The following LRP1B variants were observed in gnomAD, a reference collection of about 807,000 sequenced individuals.
The protein encoded by LRP1B is low-density lipoprotein receptor-related protein 1B.
Under a neutral mutation model 556.6 loss-of-function variants are expected in LRP1B, and 217 were observed. The observed-to-expected ratio is 0.39, with a 90% confidence interval of 0.35 to 0.44. The LOEUF (loss-of-function observed/expected upper bound fraction) is 0.44, where lower values mean the gene tolerates loss of function less well. Among genes scored for constraint, LRP1B ranks in the 20% least tolerant of loss-of-function variants. The pLI is 1.00. For synonymous variants in LRP1B, 2,047 were observed against 1,865.8 expected (o/e 1.10, Z -2.50); for missense variants, 5,053 against 5,620.8 (o/e 0.90, Z 3.23).
intron 3 of LRP1B, among the ~76,000 whole-genome samples, chr2:141,439,151 AG>A (rs1353815335): frequency 6.6e-6 from 1 of 152,196 alleles, no homozygotes; most frequent in Non-Finnish European, 1.5e-5. Context: ...TTTTGCCTTA[AG>A]AGCGAAGTGA....
chr2:142,121,608 G>A (rs1395945887), intron 1 of LRP1B, among the ~76,000 whole-genome samples: 2 of 152,076 alleles, frequency 1.3e-5, no homozygotes, highest in Non-Finnish European at 2.9e-5. Context: ...ACTCAACAAG[G>A]CCTTCTGCGA....
intron 2 of LRP1B, among the ~76,000 whole-genome samples, chr2:141,571,360 CCAA>C (rs1686521984): frequency 6.8e-6 from 1 of 147,420 alleles, no homozygotes; most frequent in Admixed American, 6.8e-5. Flanking sequence ...CAAGCAGAAA[CCAA>C]CAACAACAGC....
chr2:140,951,710 T>C, intron 19 of LRP1B, 150 bp downstream of exon 19: 1 of 610,834 alleles, frequency 1.6e-6, no homozygotes, highest in African/African-American at 1.8e-5. Context: ...CCCACTGATG[T>C]GCTGCTAGCT....
rs549806586 is a variant in LRP1B at position 140,503,366 on chromosome 2, T to C, written c.8522-263A>G. On this transcript the variant is annotated intron_variant, in intron 53 of 90. Transcript: ENST00000389484. Reference sequence around the variant, plus strand: ...GAAATAAGAAAGTGACCCTTGACTATACCATTTCTCTTCACCTATTATCTA... The same window carrying C: ...GAAATAAGAAAGTGACCCTTGACTACACCATTTCTCTTCACCTATTATCTA... Among the ~76,000 whole-genome samples the C allele has an allele frequency of 6.6e-5, 10 of 152,220 alleles. No individual in the cohort carries two copies. The South Asian group carries it at 1.7e-3, about 25-fold the overall frequency.
At chr2:140,372,289 G>A (rs1355481267) in intron 69 of LRP1B, among the ~76,000 whole-genome samples, 1 of 151,998 alleles carries the variant, frequency 6.6e-6, no homozygotes, top group Non-Finnish European at 1.5e-5. Flanking sequence ...GGAAATCTGT[G>A]ATCAATTAAC....
intron 41 of LRP1B, among the ~76,000 whole-genome samples, chr2:140,605,529 T>C (rs1682835209): frequency 6.8e-6 from 1 of 146,450 alleles, no homozygotes. Flanking sequence ...TCCTTTTCTT[T>C]TTTCTTTTCT....
intron 32 of LRP1B, among the ~76,000 whole-genome samples, chr2:140,788,043 T>C (rs1207222653): frequency 6.6e-6 from 1 of 152,222 alleles, no homozygotes; most frequent in Non-Finnish European, 1.5e-5. Context: ...TAATTGGCTG[T>C]GACACTTACT....
At chr2:141,857,333 CATTTT>C (rs911843777) in intron 1 of LRP1B, among the ~76,000 whole-genome samples, 2 of 151,830 alleles carry the variant, frequency 1.3e-5, no homozygotes, top group African/African-American at 2.4e-5. Context: ...TTTCCCTCTC[CATTTT>C]ATTTTATTTA....
chr2:140,941,695 C>T (rs1349348949), intron 20 of LRP1B, among the ~76,000 whole-genome samples: 1 of 152,094 alleles, frequency 6.6e-6, no homozygotes, highest in Non-Finnish European at 1.5e-5. Context: ...AACCTTGGCC[C>T]TCTGAAAGCA....
intron 65 of LRP1B, 65 bp from the exon 66 acceptor site, chr2:140,442,688 T>C: frequency 6.6e-7 from 1 of 1,509,874 alleles, no homozygotes; most frequent in Non-Finnish European, 9.1e-7. Flanking sequence ...AAAAGCAAAT[T>C]TTACAGACAA....
chr2:140,918,806 C>T (rs1425539842), intron 21 of LRP1B, among the ~76,000 whole-genome samples: 1 of 152,004 alleles, frequency 6.6e-6, no homozygotes, highest in Non-Finnish European at 1.5e-5. Context: ...GGAAGAGTGC[C>T]TCAGACACAC....
At chr2:141,943,492 C>T (rs1700874292) in intron 1 of LRP1B, among the ~76,000 whole-genome samples, 3 of 152,090 alleles carry the variant, frequency 2.0e-5, no homozygotes. Flanking sequence ...TACATAGGCA[C>T]TAATAATAGT....
chr2:141,245,149 A>G (rs1684020466), intron 5 of LRP1B, among the ~76,000 whole-genome samples: 2 of 152,178 alleles, frequency 1.3e-5, no homozygotes, highest in African/African-American at 4.8e-5. Context: ...TCTATAGTTC[A>G]TCAATATTTT....
chr2:141,490,252 T>A (rs1307498592), intron 2 of LRP1B, among the ~76,000 whole-genome samples: 1 of 152,150 alleles, frequency 6.6e-6, no homozygotes, highest in Non-Finnish European at 1.5e-5. Flanking sequence ...ACATCTGCTA[T>A]GACCAAAGTA....
chr2:142,027,237 A>G (rs1403722640), intron 1 of LRP1B, among the ~76,000 whole-genome samples: 13 of 151,734 alleles, frequency 8.6e-5, no homozygotes, highest in African/African-American at 2.9e-4. Context: ...AAAAACAAAA[A>G]CCAACAGACT....
At chr2:141,814,184 G>T (rs557822038) in intron 1 of LRP1B, among the ~76,000 whole-genome samples, 2 of 152,272 alleles carry the variant, frequency 1.3e-5, no homozygotes, top group East Asian at 3.9e-4. Flanking sequence ...ACGGGACAAA[G>T]GCACCAAAAG....
At chr2:141,195,419 G>A (rs1205024864) in intron 6 of LRP1B, among the ~76,000 whole-genome samples, 2 of 152,204 alleles carry the variant, frequency 1.3e-5, no homozygotes, top group East Asian at 3.9e-4. Flanking sequence ...CTGAATTTCT[G>A]ACCCATAGAA....
At chr2:141,194,607 A>T (rs1257471376) in intron 6 of LRP1B, among the ~76,000 whole-genome samples, 1 of 152,112 alleles carries the variant, frequency 6.6e-6, no homozygotes, top group Non-Finnish European at 1.5e-5. Flanking sequence ...GTTCAGCCAA[A>T]CCTATCTGCA....
Position 141,638,044 on chromosome 2 carries a change from T to C in LRP1B, c.206-157511A>G, listed in dbSNP as rs148034374. 1.1e-4 allele frequency among the ~76,000 whole-genome samples: 16 copies of C among 152,088 alleles called. No individual in the cohort carries two copies. In the East Asian group the frequency reaches 3.1e-3, roughly 30 times the overall value. On this transcript the variant is annotated intron_variant, in intron 2 of 90. Coordinates refer to ENST00000389484, the MANE Select transcript of LRP1B (RefSeq NM_018557.3). ...GGCAAAATCCCATCTCTACAAAAAATACAAAAAATTAGCTTGGTGTGGTGC... is the reference window on the plus strand; with the variant it reads ...GGCAAAATCCCATCTCTACAAAAAACACAAAAAATTAGCTTGGTGTGGTGC...
Sources: allele counts gnomAD v4.1 joint callset (sites outside exome capture counted in the v4.1 genomes callset), GRCh38; gene constraint gnomAD v4.1.1; transcripts MANE v1.5; gene names NCBI Gene and HGNC (gene_info 2026-07-23, HGNC 2026-07-21).